Variants in CNTNAP5 observed in about 807,000 individuals in gnomAD.
CNTNAP5 encodes the protein contactin-associated protein-like 5.
CNTNAP5 carries 72 observed loss-of-function variants against 150.2 expected under a neutral mutation model. That is an observed-to-expected ratio of 0.48 (90% CI 0.40 to 0.58). The LOEUF is 0.58. CNTNAP5 is among the 20% of genes least tolerant of loss of function. CNTNAP5 has a pLI of 0.00. For synonymous variants in CNTNAP5, 672 were observed against 619.8 expected (o/e 1.08, Z -1.25); for missense variants, 1,636 against 1,626.2 (o/e 1.01, Z -0.10).
chr2:124,703,761 C>T (rs1006277163), intron 13 of CNTNAP5, among the ~76,000 whole-genome samples: 1 of 152,056 alleles, frequency 6.6e-6, no homozygotes, highest in African/African-American at 2.4e-5. Flanking sequence ...GCTGCTGAGC[C>T]CCAAAGACGA....
intron 8 of CNTNAP5, among the ~76,000 whole-genome samples, chr2:124,523,612 C>T (rs1416113775): frequency 1.3e-5 from 2 of 152,178 alleles, no homozygotes; most frequent in African/African-American, 4.8e-5. Flanking sequence ...CACCTTTCTC[C>T]CAGTGCCTTT....
chr2:124,891,900 T>A (rs1678202774), intron 21 of CNTNAP5, among the ~76,000 whole-genome samples: 1 of 152,092 alleles, frequency 6.6e-6, no homozygotes, highest in Non-Finnish European at 1.5e-5. Flanking sequence ...AAAGCAGAAG[T>A]CACAAGAGTT....
intron 1 of CNTNAP5, among the ~76,000 whole-genome samples, chr2:124,130,419 C>T (rs1322403743): frequency 6.6e-6 from 1 of 152,032 alleles, no homozygotes; most frequent in Admixed American, 6.6e-5. Flanking sequence ...TACCTGCCCC[C>T]TCCTCCATCC....
At chr2:124,343,607 A>G (rs1689669380) in intron 3 of CNTNAP5, among the ~76,000 whole-genome samples, 1 of 152,192 alleles carries the variant, frequency 6.6e-6, no homozygotes. Context: ...CAAAAACAGG[A>G]AGTTACATAG....
chr2:124,370,108 CTGA>C (rs1410423856), intron 3 of CNTNAP5, among the ~76,000 whole-genome samples: 3 of 152,130 alleles, frequency 2.0e-5, no homozygotes, highest in Non-Finnish European at 4.4e-5. Flanking sequence ...AATAAATTCT[CTGA>C]TGAGAAAACA....
intron 3 of CNTNAP5, among the ~76,000 whole-genome samples, chr2:124,413,285 A>T (rs1691824389): frequency 6.6e-6 from 1 of 151,402 alleles, no homozygotes; most frequent in African/African-American, 2.4e-5. Context: ...TGTTGGTGGG[A>T]CTGTAAACCA....
chr2:124,687,955 A>G (rs1679226606), intron 13 of CNTNAP5, among the ~76,000 whole-genome samples: 1 of 152,102 alleles, frequency 6.6e-6, no homozygotes, highest in South Asian at 2.1e-4. Flanking sequence ...ACTAGTACTA[A>G]TTCTGAATTG....
chr2:124,584,853 G>T (rs1215359999), intron 11 of CNTNAP5, among the ~76,000 whole-genome samples: 1 of 152,156 alleles, frequency 6.6e-6, no homozygotes, highest in Non-Finnish European at 1.5e-5. Flanking sequence ...TGTTTTATGA[G>T]TTTTTTGTTT....
chr2:124,518,968 C>T (rs961405340), intron 8 of CNTNAP5, among the ~76,000 whole-genome samples: 1 of 131,952 alleles, frequency 7.6e-6, no homozygotes, highest in East Asian at 2.3e-4. Flanking sequence ...TAGCCTGGGC[C>T]GCAAAGTGTA....
At chr2:124,306,991 G>A (rs957960484) in intron 3 of CNTNAP5, among the ~76,000 whole-genome samples, 5 of 152,018 alleles carry the variant, frequency 3.3e-5, no homozygotes, top group Non-Finnish European at 7.4e-5. Flanking sequence ...GCCTTCCAAA[G>A]TGCTGGGATT....
At chr2:124,844,886 G>A (rs1007063427) in intron 19 of CNTNAP5, among the ~76,000 whole-genome samples, 10 of 152,094 alleles carry the variant, frequency 6.6e-5, no homozygotes, top group African/African-American at 1.7e-4. Context: ...AGTCTTTAGA[G>A]TTTTCTAGGT....
At chr2:124,258,212 T>A (rs1687363089) in intron 3 of CNTNAP5, among the ~76,000 whole-genome samples, 1 of 151,754 alleles carries the variant, frequency 6.6e-6, no homozygotes, top group Non-Finnish European at 1.5e-5. Flanking sequence ...CAGCCTAGAG[T>A]CGTCAGGGGA....
chr2:124,583,900 C>T (rs573682925), intron 11 of CNTNAP5, among the ~76,000 whole-genome samples: 1 of 152,274 alleles, frequency 6.6e-6, no homozygotes, highest in Non-Finnish European at 1.5e-5. Flanking sequence ...TCAATGACAA[C>T]AGGAAGTTCC....
At chr2:124,043,826 C>T (rs150319782) in intron 1 of CNTNAP5, among the ~76,000 whole-genome samples, 1 of 152,208 alleles carries the variant, frequency 6.6e-6, no homozygotes, top group African/African-American at 2.4e-5. Flanking sequence ...CACTCTTTCA[C>T]TTACTTGGCC....
intron 19 of CNTNAP5, among the ~76,000 whole-genome samples, chr2:124,864,465 A>G (rs1449217940): frequency 6.7e-6 from 1 of 149,174 alleles, no homozygotes; most frequent in Non-Finnish European, 1.5e-5. Flanking sequence ...CCTCCCATCT[A>G]GCTTAATCTT....
At chr2:124,603,714 A>G (rs1697035266) in intron 11 of CNTNAP5, among the ~76,000 whole-genome samples, 1 of 152,174 alleles carries the variant, frequency 6.6e-6, no homozygotes, top group Admixed American at 6.5e-5. Context: ...TAAACTTCAG[A>G]GGGGACCAAT....
intron 3 of CNTNAP5, among the ~76,000 whole-genome samples, chr2:124,384,721 G>C (rs1337809121): frequency 6.6e-6 from 1 of 152,142 alleles, no homozygotes; most frequent in Non-Finnish European, 1.5e-5. Flanking sequence ...TAACTAAGTA[G>C]GCAAACGTGA....
intron 19 of CNTNAP5, among the ~76,000 whole-genome samples, chr2:124,825,993 G>C (rs1682584719): frequency 6.6e-6 from 1 of 152,072 alleles, no homozygotes; most frequent in African/African-American, 2.4e-5. Flanking sequence ...AAATTATAGA[G>C]ACTGAAATAT....
At chr2:124,247,228 T>A (rs1687053107) in intron 3 of CNTNAP5, among the ~76,000 whole-genome samples, 1 of 152,096 alleles carries the variant, frequency 6.6e-6, no homozygotes, top group Admixed American at 6.6e-5. Flanking sequence ...CCCTACCAAT[T>A]TCAGAAAACA....
Sources: allele counts gnomAD v4.1 joint callset (sites outside exome capture counted in the v4.1 genomes callset), GRCh38; gene constraint gnomAD v4.1.1; transcripts MANE v1.5; gene names NCBI Gene and HGNC (gene_info 2026-07-23, HGNC 2026-07-21).